The following RIMS2 variants were observed in gnomAD, a reference collection of about 807,000 sequenced individuals.
RIMS2 encodes the protein regulating synaptic membrane exocytosis 2, also known as regulating synaptic membrane exocytosis protein 2.
In RIMS2, 59 loss-of-function variants were observed where a neutral mutation model predicts 174.4. That is an observed-to-expected ratio of 0.34 (90% CI 0.27 to 0.42). RIMS2 has a LOEUF of 0.42. Among genes scored for constraint, RIMS2 ranks in the 10% least tolerant of loss-of-function variants. RIMS2 has a pLI of 1.00. For synonymous variants in RIMS2, 606 were observed against 572.5 expected (o/e 1.06, Z -0.84); for missense variants, 1,620 against 1,666.3 (o/e 0.97, Z 0.48).
Position 103,629,227 on chromosome 8 carries a change from T to C in RIMS2, c.177-67859T>C, listed in dbSNP as rs1278913647. On this transcript the variant is annotated intron_variant, in intron 1 of 23. Transcript: ENST00000504942. ...AATAATGAGCCAGAATACCATATCC[T>C]CTCAATTAGAGAGCTGAAGGAGGAT... Among the ~76,000 whole-genome samples, 3 of 152,128 alleles carry C rather than the reference T, an allele frequency of 2.0e-5. No individual in the cohort carries two copies. The East Asian group carries it at 5.8e-4, about 29-fold the overall frequency.
In RIMS2 at chr8:103,992,707, A is replaced by G. The variant is rs1026099265; in HGVS notation, c.3044+3286A>G. Among the ~76,000 whole-genome samples, 5 of 152,274 alleles carry G rather than the reference A, an allele frequency of 3.3e-5. No homozygotes were observed. In the East Asian group the frequency reaches 9.6e-4, roughly 29 times the overall value. ...TTATTAGGTCTTTGTTTCTCTGCCT[A>G]TCTCACTGTGTTATCATTAGTCAAA... On this transcript the variant is annotated intron_variant, in intron 17 of 23. Coordinates refer to ENST00000504942, the Ensembl canonical transcript of RIMS2.
rs75368431 is a variant in RIMS2, at chr8:103,824,033, T to C, written c.698+57496T>C. 8.5e-5 allele frequency among the ~76,000 whole-genome samples: 13 copies of C among 152,236 alleles called. No homozygotes were observed. In the East Asian group the frequency reaches 9.6e-4, roughly 11 times the overall value. ...ACACAATTAATTATCTATTTAGATT[T>C]CTAATCAAAATGGCTTTTGATTTAG... On this transcript the variant is annotated intron_variant, in intron 3 of 23. Coordinates refer to ENST00000504942, the Ensembl canonical transcript of RIMS2.
intron 1 of RIMS2, among the ~76,000 whole-genome samples, chr8:103,587,774 C>T (rs1176325479): frequency 6.6e-6 from 1 of 151,974 alleles, no homozygotes; most frequent in Admixed American, 6.6e-5. Context: ...ATAATAAAAG[C>T]CACATATGAC....
intron 9 of RIMS2, chr8:103,920,579 C>T (rs2077420287): frequency 2.2e-6 from 1 of 447,798 alleles, no homozygotes; most frequent in South Asian, 1.6e-5. Flanking sequence ...TCTACTTTGA[C>T]ATTTGGTCCC....
At chr8:103,596,955 T>C (rs2094501244) in intron 1 of RIMS2, among the ~76,000 whole-genome samples, 1 of 152,070 alleles carries the variant, frequency 6.6e-6, no homozygotes, top group African/African-American at 2.4e-5. Context: ...ATATGAATCT[T>C]AATATTTTTT....
intron 12 of RIMS2, among the ~76,000 whole-genome samples, chr8:103,933,018 C>T (rs989650058): frequency 2.0e-5 from 3 of 148,090 alleles, no homozygotes; most frequent in South Asian, 2.2e-4. Flanking sequence ...ATTGGCCAGG[C>T]GCGGTGGCTC....
chr8:104,208,928 A>T (rs1026956034), intron 19 of RIMS2, among the ~76,000 whole-genome samples: 8 of 152,236 alleles, frequency 5.3e-5, no homozygotes, highest in Non-Finnish European at 1.2e-4. Flanking sequence ...AAGAAAAATT[A>T]CGTAATTTTA....
intron 17 of RIMS2, among the ~76,000 whole-genome samples, chr8:104,001,508 A>G (rs1198786081): frequency 1.3e-5 from 2 of 151,990 alleles, no homozygotes; most frequent in South Asian, 2.1e-4. Flanking sequence ...ACATCTAATT[A>G]TGTATCTTAT....
chr8:104,012,162 T>G (rs1156826911), intron 17 of RIMS2, among the ~76,000 whole-genome samples: 1 of 151,950 alleles, frequency 6.6e-6, no homozygotes, highest in African/African-American at 2.4e-5. Flanking sequence ...CATGATAGTA[T>G]ATGGACTTAA....
intron 1 of RIMS2, among the ~76,000 whole-genome samples, chr8:103,521,176 C>T (rs920067671): frequency 2.0e-5 from 3 of 151,172 alleles, no homozygotes; most frequent in African/African-American, 4.9e-5. Context: ...AGGAGATATA[C>T]CTAATGCTAA....
At chr8:103,665,234 C>G (rs996469479) in intron 1 of RIMS2, among the ~76,000 whole-genome samples, 1 of 152,186 alleles carries the variant, frequency 6.6e-6, no homozygotes, top group Non-Finnish European at 1.5e-5. Context: ...GTGTAACAAA[C>G]CTGCACGTTG....
chr8:104,185,823 A>G (rs561209222), intron 19 of RIMS2, among the ~76,000 whole-genome samples: 86 of 151,794 alleles, frequency 5.7e-4, no homozygotes, highest in African/African-American at 2.0e-3. Context: ...CAGTATGAAG[A>G]TTTCTGAAAT....
intron 1 of RIMS2, 61 bp from the exon 4 acceptor site, chr8:103,697,025 T>C (rs2097112000): frequency 1.0e-6 from 1 of 970,090 alleles, no homozygotes; most frequent in African/African-American, 1.6e-5. Flanking sequence ...TAAATTGTGA[T>C]AATTTTTCCT....
chr8:104,203,452 T>C (rs2099064507), intron 19 of RIMS2, among the ~76,000 whole-genome samples: 1 of 149,140 alleles, frequency 6.7e-6, no homozygotes, highest in African/African-American at 2.5e-5. Context: ...GAATTTTTAA[T>C]ACAAGTTTTA....
intron 2 of RIMS2, among the ~76,000 whole-genome samples, chr8:103,741,990 T>C (rs1168297202): frequency 6.6e-6 from 1 of 152,098 alleles, no homozygotes; most frequent in Non-Finnish European, 1.5e-5. Context: ...CCTGTTTACT[T>C]ACTCACCACT....
At chr8:103,972,733 T>C (rs1489537721) in intron 15 of RIMS2, among the ~76,000 whole-genome samples, 4 of 152,126 alleles carry the variant, frequency 2.6e-5, no homozygotes, top group African/African-American at 9.7e-5. Context: ...AACCATCTCA[T>C]TCAATTCTTT....
At chr8:103,735,032 A>G (rs974307756) in intron 2 of RIMS2, among the ~76,000 whole-genome samples, 21 of 152,168 alleles carry the variant, frequency 1.4e-4, no homozygotes, top group African/African-American at 4.8e-4. Flanking sequence ...CTGGGGTTGC[A>G]GGGATACTAA....
chr8:103,804,191 A>G (rs2098634623), intron 3 of RIMS2, among the ~76,000 whole-genome samples: 5 of 152,332 alleles, frequency 3.3e-5, no homozygotes, highest in Admixed American at 3.3e-4. Flanking sequence ...TTAGTGGAAG[A>G]CAGCTTCTGT....
intron 1 of RIMS2, among the ~76,000 whole-genome samples, chr8:103,590,388 G>C (rs976028065): frequency 1.3e-5 from 2 of 151,258 alleles, no homozygotes; most frequent in Non-Finnish European, 3.0e-5. Context: ...GAAGCCCCAG[G>C]TGTCTGCAGA....
Sources: gnomAD v4.1 joint callset for allele counts (sites outside exome capture counted in the v4.1 genomes callset) on GRCh38, gnomAD v4.1.1 for gene constraint, MANE v1.5 for transcripts, NCBI Gene and HGNC (gene_info 2026-07-23, HGNC 2026-07-21) for gene names.